MTMR9: variants seen among roughly 807,000 people sequenced by gnomAD.
MTMR9 encodes myotubularin related protein 9.
MTMR9 carries 39 observed loss-of-function variants against 69.5 expected under a neutral mutation model. That is an observed-to-expected ratio of 0.56 (90% CI 0.43 to 0.73). MTMR9 has a LOEUF of 0.73. Ranked by LOEUF, MTMR9 falls within the 30% of genes least tolerant of loss-of-function variation. The probability of loss-of-function intolerance (pLI) is 0.00; values close to 1 mark genes in which losing one functional copy is unlikely to be tolerated. For missense variants in MTMR9, 900 were observed against 671.2 expected (o/e 1.34, Z -3.77); for synonymous variants, 354 against 240.8 (o/e 1.47, Z -4.35).
At chr8:11,337,153 A>G in the MTMR9 span, among the ~76,000 whole-genome samples, 9 of 152,172 alleles carry the variant, frequency 5.9e-5, no homozygotes, top group African/African-American at 2.2e-4. Flanking sequence ...CTGAGTAGCA[A>G]TGCAGCTTGC....
At chr8:11,291,187 A>G (rs1030543073) in intron 1 of MTMR9, among the ~76,000 whole-genome samples, 2 of 152,152 alleles carry the variant, frequency 1.3e-5, no homozygotes, top group Admixed American at 1.3e-4. Flanking sequence ...GGATTTATAG[A>G]TTAATTGGAG....
At chr8:11,338,034 G>C in the MTMR9 span, among the ~76,000 whole-genome samples, 2 of 152,366 alleles carry the variant, frequency 1.3e-5, no homozygotes, top group East Asian at 3.9e-4. Flanking sequence ...GAACATGTCT[G>C]GGAATGGATC....
At chr8:11,314,383 G>GT (rs1006715771) in intron 6 of MTMR9, among the ~76,000 whole-genome samples, 69 of 151,860 alleles carry the variant, frequency 4.5e-4, no homozygotes, top group African/African-American at 1.3e-3. Context: ...TTTTATGTTT[G>GT]TTTTTTTTCC....
At position 11,316,708 on chromosome 8, in the gene MTMR9, A is replaced by G. The variant is rs1227962568; in HGVS notation, c.1149A>G (p.Ser383=). 2 of 1,612,772 alleles carry G rather than the reference A, an allele frequency of 1.2e-6. No individual in the cohort carries two copies. Among genetic ancestry groups the G allele is most frequent in the African/African-American group, 2.7e-5 (2 of 74,812 alleles). The change falls in exon 8 of 10, where the codon TCA becomes TCG. Residue 383 remains serine, a synonymous_variant. Transcript: ENST00000221086. ...GHPFQQRCAQ[S]AYCNTKQKWE... is the part of the protein sequence containing the mutation. Reference sequence around the variant, plus strand: ...CATTCCAGCAGCGCTGTGCACAGTCAGCCTACTGTAACACCAAGCAGAAGT... The same window carrying G: ...CATTCCAGCAGCGCTGTGCACAGTCGGCCTACTGTAACACCAAGCAGAAGT...
At chr8:11,288,627 G>C (rs1484466431) in intron 1 of MTMR9, among the ~76,000 whole-genome samples, 1 of 152,146 alleles carries the variant, frequency 6.6e-6, no homozygotes. Context: ...CAGTGTGGCT[G>C]CAGGGCAGGG....
chr8:11,298,721 C>CGT, intron 2 of MTMR9: 1 of 336,892 alleles, frequency 3.0e-6, no homozygotes, highest in Non-Finnish European at 3.5e-6. Flanking sequence ...CCCCGCTGCA[C>CGT]CCCCCCCCCG....
intron 1 of MTMR9, among the ~76,000 whole-genome samples, chr8:11,287,195 G>A (rs569529149): frequency 5.9e-5 from 9 of 152,298 alleles, no homozygotes; most frequent in South Asian, 2.1e-4. Context: ...GCATATAGAC[G>A]CGTAGGAAAC....
chr8:11,318,837 C>T (rs1425565477), intron 8 of MTMR9: 3 of 152,020 alleles, frequency 2.0e-5, no homozygotes, highest in Non-Finnish European at 4.4e-5. Flanking sequence ...AAAGCTAAGT[C>T]TCTAAAAAAT....
chr8:11,306,977 C>G (rs1799962884), intron 5 of MTMR9, among the ~76,000 whole-genome samples: 1 of 152,194 alleles, frequency 6.6e-6, no homozygotes, highest in African/African-American at 2.4e-5. Context: ...CAGTGTTTAT[C>G]TTTCTGTGCA....
intron 6 of MTMR9, among the ~76,000 whole-genome samples, chr8:11,310,632 CTG>C (rs549545455): frequency 9.4e-4 from 143 of 152,248 alleles, no homozygotes; most frequent in Middle Eastern, 6.8e-3. Flanking sequence ...ACCTAATAAA[CTG>C]TGGGAATTAA....
chr8:11,299,768 T>C (rs1211564555), intron 2 of MTMR9, among the ~76,000 whole-genome samples: 1 of 152,202 alleles, frequency 6.6e-6, no homozygotes, highest in East Asian at 1.9e-4. Flanking sequence ...GTATGCACAT[T>C]TTTTTGTTCT....
chr8:11,290,651 A>G (rs77757140), intron 1 of MTMR9, among the ~76,000 whole-genome samples: 2,017 of 152,148 alleles, frequency 0.013, 32 homozygotes, highest in African/African-American at 0.046. Context: ...ATTTTTCTCC[A>G]TAGAGCAAGC....
At chr8:11,302,797 G>C (rs1258037117) in intron 3 of MTMR9, among the ~76,000 whole-genome samples, 2 of 152,044 alleles carry the variant, frequency 1.3e-5, no homozygotes, top group East Asian at 3.9e-4. Context: ...GTCTACATAG[G>C]AAAAGGAAAG....
chr8:11,291,749 C>G (rs913659257), intron 1 of MTMR9, among the ~76,000 whole-genome samples: 1 of 152,060 alleles, frequency 6.6e-6, no homozygotes, highest in African/African-American at 2.4e-5. Context: ...GTTAGTATGA[C>G]AAGCATAGAT....
chr8:11,321,380 T>C (rs985949962), intron 9 of MTMR9: 16 of 456,112 alleles, frequency 3.5e-5, no homozygotes, highest in Admixed American at 2.6e-4. Context: ...TCTGGGACAA[T>C]GTACTTAAAG....
intron 9 of MTMR9, chr8:11,320,247 G>T (rs1800617940): frequency 6.4e-6 from 1 of 156,852 alleles, no homozygotes; most frequent in Non-Finnish European, 1.4e-5. Context: ...TACATGGCTG[G>T]GCATTCCAGT....
chr8:11,296,214 C>G (rs565252467), intron 2 of MTMR9, among the ~76,000 whole-genome samples: 93 of 152,222 alleles, frequency 6.1e-4, no homozygotes, highest in Non-Finnish European at 1.1e-3. Flanking sequence ...CTTAACATCT[C>G]TCTGATTTGT....
chr8:11,319,919 A>G (rs1800600237), intron 9 of MTMR9, 81 bp downstream of exon 9: 10 of 1,448,372 alleles, frequency 6.9e-6, no homozygotes, highest in East Asian at 6.9e-5. Context: ...TTGGTGATGT[A>G]TGAAGATGGT....
At chr8:11,312,403 G>A (rs1260659580) in intron 6 of MTMR9, among the ~76,000 whole-genome samples, 1 of 152,130 alleles carries the variant, frequency 6.6e-6, no homozygotes, top group East Asian at 1.9e-4. Flanking sequence ...CTGGAGTGCA[G>A]TGGCACAGCC....
Sources: gnomAD v4.1 joint callset for allele counts (sites outside exome capture counted in the v4.1 genomes callset) on GRCh38, gnomAD v4.1.1 for gene constraint, MANE v1.5 for transcripts, NCBI Gene and HGNC (gene_info 2026-07-23, HGNC 2026-07-21) for gene names.